The following ZNF83 variants were observed in gnomAD, a reference collection of about 807,000 sequenced individuals.
ZNF83 encodes the protein zinc finger protein 83, also known as zinc finger protein 816B.
For missense variants in ZNF83, 552 were observed against 629.9 expected, an observed-to-expected ratio of 0.88 and a Z score of 1.32; for synonymous variants, 209 against 213.0, an observed-to-expected ratio of 0.98 and a Z score of 0.17.
chr19:52,632,884 G>A (rs756551435), intron 2 of ZNF83, among the ~76,000 whole-genome samples: 14 of 151,996 alleles, frequency 9.2e-5, no homozygotes, highest in African/African-American at 4.8e-5. Flanking sequence ...CTTCAGCTTA[G>A]TCTCTCCCAC....
At chr19:52,633,229 C>A (rs2061032507) in intron 2 of ZNF83, among the ~76,000 whole-genome samples, 1 of 145,722 alleles carries the variant, frequency 6.9e-6, no homozygotes, top group South Asian at 2.2e-4. Context: ...CACCAGAGAA[C>A]AACCCCCCTT....
At chr19:52,690,066 C>T (rs892807542) in intron 1 of ZNF83, among the ~76,000 whole-genome samples, 7 of 151,862 alleles carry the variant, frequency 4.6e-5, no homozygotes, top group African/African-American at 1.7e-4. Context: ...GGGGCCGCGG[C>T]GCTGCGCTTC....
rs1211949838 is a variant in ZNF83 at position 52,659,266 on chromosome 19, C to T, written c.-201+1496G>A. 4.0e-5 allele frequency among the ~76,000 whole-genome samples: 6 copies of T among 151,568 alleles called. No individual in the cohort carries two copies. The East Asian group carries it at 7.8e-4, about 20-fold the overall frequency. ...AAAGCTGCGATGGAAGCATGAGGAA[C>T]GCGACCCCCGAAAACAAAGGCAAAG... On this transcript the variant is annotated intron_variant, in intron 2 of 5. Transcript: ENST00000594682.
chr19:52,641,047 C>A (rs2061297264), upstream of ZNF83, among the ~76,000 whole-genome samples: 3 of 151,946 alleles, frequency 2.0e-5, no homozygotes, highest in African/African-American at 4.8e-5. Context: ...TTGCCGGCCC[C>A]CACCCTTCAG....
At chr19:52,656,379 G>A (rs1250437082) in intron 2 of ZNF83, among the ~76,000 whole-genome samples, 1 of 152,006 alleles carries the variant, frequency 6.6e-6, no homozygotes, top group African/African-American at 2.4e-5. Context: ...AAAATTAGCT[G>A]GGCATGGTGG....
chr19:52,655,754 A>C, intron 2 of ZNF83: 1 of 695,774 alleles, frequency 1.4e-6, no homozygotes. Context: ...AAAATGAGAA[A>C]AGAGAAAATA....
At chr19:52,641,142 G>A (rs1169676253), upstream of ZNF83, among the ~76,000 whole-genome samples, 5 of 151,036 alleles carry the variant, frequency 3.3e-5, no homozygotes, top group Non-Finnish European at 7.4e-5. Flanking sequence ...TGGCCCCCAG[G>A]CGGCCTCCTC....
chr19:52,686,001 G>C (rs1043483983), intron 1 of ZNF83, among the ~76,000 whole-genome samples: 2 of 151,978 alleles, frequency 1.3e-5, no homozygotes, highest in Non-Finnish European at 1.5e-5. Context: ...CGCACCAGAG[G>C]GCCTTGAGGG....
At chr19:52,616,443 T>C (rs969995722) in intron 2 of ZNF83, among the ~76,000 whole-genome samples, 1 of 152,168 alleles carries the variant, frequency 6.6e-6, no homozygotes, top group African/African-American at 2.4e-5. Flanking sequence ...CTTGCAGCAA[T>C]ATTTACAATA....
At chr19:52,629,242 A>AAAAT (rs2147146089) in intron 2 of ZNF83, among the ~76,000 whole-genome samples, 1 of 152,282 alleles carries the variant, frequency 6.6e-6, no homozygotes, top group African/African-American at 2.4e-5. Flanking sequence ...TTCTTGTCAT[A>AAAAT]AAATAAGCAA....
At chr19:52,655,935 G>T (rs917608405) in intron 2 of ZNF83, among the ~76,000 whole-genome samples, 1 of 152,068 alleles carries the variant, frequency 6.6e-6, no homozygotes, top group African/African-American at 2.4e-5. Flanking sequence ...ATATGTCTGG[G>T]CACGGTGGCT....
chr19:52,672,404 A>C (rs1482250559), intron 1 of ZNF83, among the ~76,000 whole-genome samples: 1 of 152,188 alleles, frequency 6.6e-6, no homozygotes, highest in Admixed American at 6.5e-5. Context: ...CTAAAATATG[A>C]TTACATTTAG....
chr19:52,647,374 T>A (rs888571383), intron 3 of ZNF83, among the ~76,000 whole-genome samples: 1 of 152,178 alleles, frequency 6.6e-6, no homozygotes, highest in East Asian at 1.9e-4. Flanking sequence ...TCATATCCAA[T>A]GAACTCACTC....
At chr19:52,676,758 G>A (rs2061818012) in intron 1 of ZNF83, among the ~76,000 whole-genome samples, 1 of 139,728 alleles carries the variant, frequency 7.2e-6, no homozygotes, top group South Asian at 2.3e-4. Flanking sequence ...AGACATGGGA[G>A]ACTTTTCATT....
intron 1 of ZNF83, among the ~76,000 whole-genome samples, chr19:52,689,588 G>A (rs2062110109): frequency 2.6e-5 from 4 of 152,076 alleles, no homozygotes; most frequent in Admixed American, 2.6e-4. Flanking sequence ...TGTACATCCA[G>A]CTTTTCTCTA....
chr19:52,662,275 C>A (rs1000619066), intron 1 of ZNF83, among the ~76,000 whole-genome samples: 4 of 152,190 alleles, frequency 2.6e-5, no homozygotes, highest in African/African-American at 9.7e-5. Context: ...TCACCCTCAT[C>A]TGAGACATGT....
rs113688555 is a variant in ZNF83 at position 52,649,833 on chromosome 19, C to T, written c.-74+5728G>A. On this transcript the variant is annotated intron_variant, in intron 3 of 5. Coordinates refer to the ZNF83 transcript ENST00000594682. ...AGAAAACTGGAAAAAACAGTCTATA[C>T]GGGAATTCTTAGAATAAGCTCAAAA... 8.9e-4 allele frequency among the ~76,000 whole-genome samples: 136 copies of T among 152,122 alleles called. 2 individuals are homozygous for T. Among genetic ancestry groups the T allele is most frequent in the African/African-American group, 2.9e-3 (120 of 41,502 alleles).
In ZNF83 at chr19:52,680,606, A is replaced by ATTTTT. The variant is rs556558292; in HGVS notation, c.-283+9832_-283+9836dup. ...GTTTTATTGTACTTTTCCACAAAATATTTTTTTTTTTTTTTTTTTTTTTTG... is the reference window on the plus strand; with the variant it reads ...GTTTTATTGTACTTTTCCACAAAATATTTTTTTTTTTTTTTTTTTTTTTTTTTTTG... On this transcript the variant is annotated intron_variant, in intron 1 of 5. Transcript: ENST00000594682. Among the ~76,000 whole-genome samples the ATTTTT allele has an allele frequency of 4.7e-3, 415 of 88,922 alleles. 3 individuals carry two copies. Among genetic ancestry groups the ATTTTT allele is most frequent in the African/African-American group, 0.017 (362 of 21,868 alleles). 58.3% of individuals were successfully genotyped at this position (88,922 alleles called of 152,430 possible).
chr19:52,614,325 G>A, exon 3 of ZNF83: 1 of 1,613,158 alleles, frequency 6.2e-7, no homozygotes, highest in South Asian at 1.1e-5. Flanking sequence ...CTTTTTGTGT[G>A]AATAATGAAT....
Sources: allele counts gnomAD v4.1 joint callset (sites outside exome capture counted in the v4.1 genomes callset), GRCh38; gene constraint gnomAD v4.1.1; transcripts MANE v1.5; gene names NCBI Gene and HGNC (gene_info 2026-07-23, HGNC 2026-07-21).